The following ZBTB41 variants were observed in gnomAD, a reference collection of about 807,000 sequenced individuals.
The protein encoded by ZBTB41 is zinc finger and BTB domain containing 41.
In ZBTB41, 42 loss-of-function variants were observed where a neutral mutation model predicts 87.6. That is an observed-to-expected ratio of 0.48 (90% CI 0.37 to 0.62). ZBTB41 has a LOEUF of 0.62. Among genes scored for constraint, ZBTB41 ranks in the 20% least tolerant of loss-of-function variants. The pLI is 0.00. For missense variants in ZBTB41, 799 were observed against 1,078.9 expected (o/e 0.74, Z 3.63); for synonymous variants, 364 against 364.0 (o/e 1.00, Z 0.00).
At position 197,172,190 on chromosome 1, in the gene ZBTB41, T is replaced by G; in HGVS notation, c.2044A>C (p.Ser682Arg). 1 of 1,437,630 alleles carries G rather than the reference T, an allele frequency of 7.0e-7. No homozygotes were observed. The highest frequency in any genetic ancestry group is 9.2e-7 in the Non-Finnish European group (1 of 1,083,044). 89.1% of individuals were successfully genotyped at this position (1,437,630 alleles called of 1,614,324 possible). Residue 682 changes from serine (S) to arginine (R), a missense_variant, in exon 10 of 11, where the codon AGT becomes CGT. Transcript: ENST00000367405. ...TGCGTTCGAAAATGCATTTCCAGAC[T>G]TGATTTGCCTTTAAAAATTTTCTTA... is the stretch of plus-strand genomic sequence containing the variant. ...VCKKIFKGKS[S>R]LEMHFRTHSG...
At chr1:197,188,957 C>T (rs1171401576) in intron 4 of ZBTB41, among the ~76,000 whole-genome samples, 3 of 152,140 alleles carry the variant, frequency 2.0e-5, no homozygotes, top group African/African-American at 7.2e-5. Flanking sequence ...ATATACCAGG[C>T]ACAACGCTAA....
In ZBTB41 at chr1:197,201,218, A is replaced by G. The variant is rs532533178; in HGVS notation, c.-118+5T>C. On this transcript the variant is annotated splice_donor_5th_base_variant and intron_variant, in intron 1 of 10. Coordinates refer to ENST00000367405, the MANE Select transcript of ZBTB41 (RefSeq NM_194314.3). ...CCCTGGGAAAACGCCCCACAGATCCATTACCGGGAACCCAAGGCTCCCCCG... is the reference window on the plus strand; with the variant it reads ...CCCTGGGAAAACGCCCCACAGATCCGTTACCGGGAACCCAAGGCTCCCCCG... Among the ~76,000 whole-genome samples the G allele has an allele frequency of 5.9e-5, 9 of 152,260 alleles. No homozygotes were observed. The South Asian group carries it at 1.2e-3, about 21-fold the overall frequency.
chr1:197,176,725 G>T, intron 7 of ZBTB41, 55 bp from the exon 8 acceptor site: 1 of 1,219,006 alleles, frequency 8.2e-7, no homozygotes, highest in Non-Finnish European at 1.2e-6. Context: ...GAAGGAAAAA[G>T]CTCAATAATG....
chr1:197,195,798 T>C (rs1037442724), intron 2 of ZBTB41, among the ~76,000 whole-genome samples: 15 of 152,300 alleles, frequency 9.8e-5, no homozygotes, highest in African/African-American at 3.6e-4. Flanking sequence ...AGGACTCTTA[T>C]TTGCATGATA....
chr1:197,174,734 T>TG (rs1163391122), intron 9 of ZBTB41, among the ~76,000 whole-genome samples: 1 of 152,078 alleles, frequency 6.6e-6, no homozygotes, highest in Non-Finnish European at 1.5e-5. Context: ...ATAGGCAGTA[T>TG]ATTTAGCTCT....
intron 9 of ZBTB41, among the ~76,000 whole-genome samples, chr1:197,172,616 T>C (rs899262467): frequency 4.6e-5 from 7 of 151,902 alleles, no homozygotes; most frequent in Non-Finnish European, 1.0e-4. Flanking sequence ...AAAGGGGAAA[T>C]GAAGAGTTGT....
rs966261725 is a variant in ZBTB41 at position 197,154,720 on chromosome 1, A to G, written c.*4639T>C. ...AAACAAAAAACCCCACATTAGAGAA[A>G]TGTGGAAAAGGGTAGGATATAAGGA... On this transcript the variant is annotated 3_prime_UTR_variant, in exon 11 of 11. Coordinates refer to ENST00000367405, the MANE Select transcript of ZBTB41 (RefSeq NM_194314.3). 18 of 152,526 alleles carry G rather than the reference A, an allele frequency of 1.2e-4. No individual in the cohort carries two copies. The highest frequency in any genetic ancestry group is 4.3e-4 in the African/African-American group (18 of 41,564). 9.4% of individuals were successfully genotyped at this position (152,526 alleles called of 1,614,324 possible).
Position 197,194,937 on chromosome 1 carries a change from T to C in ZBTB41, c.1121-3038A>G, listed in dbSNP as rs1402424543. Among the ~76,000 whole-genome samples the C allele has an allele frequency of 6.6e-5, 10 of 152,244 alleles. No homozygotes were observed. The East Asian group carries it at 1.4e-3, about 21-fold the overall frequency. On this transcript the variant is annotated intron_variant, in intron 2 of 10. Transcript: ENST00000367405. ...CTCTACAGACTAGTGGGAAAATATA[T>C]GTTAATCTTCGATTTTCATGTTTAA...
Position 197,159,498 on chromosome 1 carries a change from G to A in ZBTB41, c.2591C>T (p.Pro864Leu), listed in dbSNP as rs775026249. 3 of 1,613,902 alleles carry A rather than the reference G, an allele frequency of 1.9e-6. No homozygotes were observed. Among genetic ancestry groups the A allele is most frequent in the Non-Finnish European group, 2.5e-6 (3 of 1,179,826 alleles). ...TGGGTGAACTATATTTGCAGGTTGA[G>A]GAGTAAGAGTATATTTTTCCAGAAA... ...LAFLEKYTLT[P>L]QPANIVHPVR... Residue 864 changes from proline to leucine, a missense_variant, in exon 11 of 11, where the codon CCT (proline) becomes CTT (leucine). Pro to Leu is a moderately conservative substitution (Grantham distance 98, BLOSUM62 -3). Around this residue, in one of 5 missense-constraint regions of ZBTB41, gnomAD observed 171 missense variants for 191.9 expected, o/e 0.89. Coordinates refer to ENST00000367405, the MANE Select transcript of ZBTB41 (RefSeq NM_194314.3).
At chr1:197,181,628 A>ATT (rs1465484954) in intron 5 of ZBTB41, among the ~76,000 whole-genome samples, 2 of 152,198 alleles carry the variant, frequency 1.3e-5, no homozygotes, top group Admixed American at 1.3e-4. Context: ...CTGACAAAAT[A>ATT]TAAGAAAGAC....
chr1:197,173,858 A>G (rs1659534542), intron 9 of ZBTB41, among the ~76,000 whole-genome samples: 1 of 152,090 alleles, frequency 6.6e-6, no homozygotes, highest in South Asian at 2.1e-4. Context: ...AACATGTGGC[A>G]ATGCCTGAAA....
chr1:197,198,926 A>C (rs1309911797), intron 2 of ZBTB41, among the ~76,000 whole-genome samples: 1 of 152,154 alleles, frequency 6.6e-6, no homozygotes, highest in Non-Finnish European at 1.5e-5. Flanking sequence ...ATACTGGAAA[A>C]GTGACAACAT....
At position 197,188,417 on chromosome 1, in the gene ZBTB41, C is replaced by T. The variant is rs979638102; in HGVS notation, c.1421G>A (p.Arg474Gln). 4.4e-6 allele frequency: 7 copies of T among 1,602,830 alleles called. No homozygotes were observed. The highest frequency in any genetic ancestry group is 1.1e-5 in the South Asian group (1 of 88,446). ...CATATGTTCCTCCAAGTGTGGTCTT[C>T]GAGTAAAAGATTTCTTACAAATCTA... ...KCDICKKSFT[R>Q]RPHLEEHMIL... Residue 474 changes from arginine to glutamine, a missense_variant, in exon 5 of 11, where the codon CGA becomes CAA. Arg to Gln is a conservative substitution (Grantham distance 43). Transcript: ENST00000367405.
chr1:197,196,528 T>G (rs1660165888), intron 2 of ZBTB41, among the ~76,000 whole-genome samples: 1 of 152,194 alleles, frequency 6.6e-6, no homozygotes, highest in African/African-American at 2.4e-5. Flanking sequence ...TTTCATCCCT[T>G]TTTCCAATTT....
chr1:197,175,647 T>G (rs954591363), intron 8 of ZBTB41, among the ~76,000 whole-genome samples: 1 of 151,404 alleles, frequency 6.6e-6, no homozygotes, highest in African/African-American at 2.4e-5. Context: ...CAATTTCTCA[T>G]CTCTATTCTT....
At position 197,188,302 on chromosome 1, in the gene ZBTB41, C is replaced by T; in HGVS notation, c.1536G>A (p.Lys512=). 6.2e-7 allele frequency: 1 copy of T among 1,612,416 alleles called. No individual in the cohort carries two copies. The highest frequency in any genetic ancestry group is 2.2e-5 in the East Asian group (1 of 44,802). Residue 512 remains lysine (K), a synonymous_variant, in exon 5 of 11, where the codon AAG becomes AAA. Coordinates refer to ENST00000367405, the MANE Select transcript of ZBTB41 (RefSeq NM_194314.3). ...AAGTAACTTGCTTACCCAGATGGAA[C>T]TTTTCTTGATGCTTTAACCGAGCAA... The part of the protein sequence containing the change: ...SRFARLKHQE[K]FHLGPFPCDI...
At chr1:197,164,550 A>C (rs553383492) in intron 10 of ZBTB41, among the ~76,000 whole-genome samples, 44 of 151,034 alleles carry the variant, frequency 2.9e-4, no homozygotes, top group African/African-American at 1.0e-3. Context: ...AAAAAAAGAA[A>C]AAATATTTAA....
At chr1:197,192,001 C>T (rs1025047460) in intron 2 of ZBTB41, 102 bp from the exon 3 acceptor site, 23 of 874,796 alleles carry the variant, frequency 2.6e-5, no homozygotes, top group Non-Finnish European at 3.6e-5. Flanking sequence ...AACTTATATA[C>T]ACATCCAAAT....
intron 5 of ZBTB41, among the ~76,000 whole-genome samples, chr1:197,185,104 G>A (rs1051959942): frequency 3.9e-5 from 6 of 151,982 alleles, no homozygotes; most frequent in African/African-American, 1.2e-4. Context: ...GTGAGTCACC[G>A]CACACAGCCT....
Sources: allele counts gnomAD v4.1 joint callset (sites outside exome capture counted in the v4.1 genomes callset), GRCh38; gene constraint gnomAD v4.1.1; regional missense constraint gnomAD v4.1.1; transcripts MANE v1.5; gene names NCBI Gene and HGNC (gene_info 2026-07-23, HGNC 2026-07-21).